Variants in LRRC37A2 observed in about 807,000 individuals in gnomAD.
LRRC37A2 encodes the protein leucine-rich repeat-containing protein 37A2.
LRRC37A2 carries 9 observed loss-of-function variants against 68.8 expected under a neutral mutation model. The ratio of observed to expected loss-of-function variants is 0.13; its 90% CI spans 0.08 to 0.23. The LOEUF (loss-of-function observed/expected upper bound fraction) is 0.23. LRRC37A2 is among the 10% of genes least tolerant of loss of function. The probability of loss-of-function intolerance (pLI) is 1.00; values close to 1 mark genes in which losing one functional copy is unlikely to be tolerated. For synonymous variants in LRRC37A2, 63 were observed against 367.6 expected (o/e 0.17, Z 9.48); for missense variants, 168 against 950.4 (o/e 0.18, Z 10.82).
chr17:47,022,050 G>A, the LRRC37A2 span: 2 of 783,124 alleles, frequency 2.6e-6, no homozygotes, highest in South Asian at 3.3e-5. Context: ...AACCACTGTT[G>A]ACTGCAATCG....
the LRRC37A2 span, among the ~76,000 whole-genome samples, chr17:46,766,355 C>A: frequency 6.6e-6 from 1 of 151,890 alleles, no homozygotes; most frequent in East Asian, 1.9e-4. Context: ...TTACAGTGAG[C>A]CGAGATTGCG....
At chr17:46,774,055 G>GAA in the LRRC37A2 span, 1 of 1,218,314 alleles carries the variant, frequency 8.2e-7, no homozygotes, top group Non-Finnish European at 1.1e-6. Flanking sequence ...CTTTGACCTC[G>GAA]GGAGCATGCC....
the LRRC37A2 span, among the ~76,000 whole-genome samples, chr17:46,851,951 C>T: frequency 1.3e-5 from 2 of 152,168 alleles, no homozygotes; most frequent in African/African-American, 4.8e-5. This position sits in a 1 kb window ranked among gnomAD's most constrained non-coding sequence, Gnocchi z 4.3. Flanking sequence ...TCTCTGGTCG[C>T]CCCCCAGCCG....
chr17:46,925,464 T>G, the LRRC37A2 span, among the ~76,000 whole-genome samples: 1 of 152,334 alleles, frequency 6.6e-6, no homozygotes, highest in South Asian at 2.1e-4. Context: ...CTATCTTTCC[T>G]CTCCAGTGCT....
the LRRC37A2 span, chr17:46,932,144 G>C: frequency 6.2e-7 from 1 of 1,614,166 alleles, no homozygotes; most frequent in Non-Finnish European, 8.5e-7. Flanking sequence ...CGCCATGCAA[G>C]GGAGCAGCAG....
chr17:46,935,693 C>T, the LRRC37A2 span: 4 of 987,870 alleles, frequency 4.0e-6, no homozygotes, highest in African/African-American at 3.5e-5. Context: ...TTCTAAAGCC[C>T]GTGCTGGTGA....
At chr17:46,936,293 A>C in the LRRC37A2 span, 1 of 985,280 alleles carries the variant, frequency 1.0e-6, no homozygotes, top group Non-Finnish European at 1.2e-6. Flanking sequence ...ACCAAACTCC[A>C]TGTCACACTG....
the LRRC37A2 span, chr17:46,851,656 G>T: frequency 3.9e-6 from 5 of 1,289,578 alleles, no homozygotes; most frequent in Non-Finnish European, 4.9e-6. This position sits in a 1 kb window ranked among gnomAD's most constrained non-coding sequence, Gnocchi z 4.3. Flanking sequence ...CCCCGCCCGC[G>T]CTGGCCCTGG....
chr17:46,862,173 A>G, the LRRC37A2 span, among the ~76,000 whole-genome samples: 17 of 151,962 alleles, frequency 1.1e-4, no homozygotes, highest in Non-Finnish European at 2.2e-4. Flanking sequence ...CAAAAAAAAA[A>G]AAAAAAGAAA....
chr17:46,727,196 T>G, the LRRC37A2 span, among the ~76,000 whole-genome samples: 1 of 152,230 alleles, frequency 6.6e-6, no homozygotes, highest in South Asian at 2.1e-4. Context: ...TTTTAAAATA[T>G]GTATTAAATA....
chr17:46,490,591 G>T, the LRRC37A2 span, among the ~76,000 whole-genome samples: 2 of 150,286 alleles, frequency 1.3e-5, no homozygotes, highest in Non-Finnish European at 2.9e-5. Flanking sequence ...GGGCGTGGTG[G>T]TAGGCGCCTG....
At chr17:46,931,086 C>CT in the LRRC37A2 span, 2 of 1,359,368 alleles carry the variant, frequency 1.5e-6, no homozygotes, top group Non-Finnish European at 1.1e-6. Context: ...ATTCTTTTTT[C>CT]TTTTTTGTAC....
the LRRC37A2 span, among the ~76,000 whole-genome samples, chr17:46,810,163 C>T: frequency 1.3e-5 from 2 of 151,958 alleles, no homozygotes; most frequent in African/African-American, 2.4e-5. Flanking sequence ...CCCACCACCA[C>T]GCCCAGCTAA....
At chr17:46,862,035 C>T in the LRRC37A2 span, among the ~76,000 whole-genome samples, 23 of 151,752 alleles carry the variant, frequency 1.5e-4, no homozygotes, top group Middle Eastern at 6.8e-3. Flanking sequence ...TGGTGACAGC[C>T]GCTTGTAATC....
At chr17:46,949,823 GAAGGGC>G in the LRRC37A2 span, among the ~76,000 whole-genome samples, 1 of 152,206 alleles carries the variant, frequency 6.6e-6, no homozygotes, top group African/African-American at 2.4e-5. Context: ...TGTGCTCTGG[GAAGGGC>G]AGGAGGATTC....
the LRRC37A2 span, among the ~76,000 whole-genome samples, chr17:46,890,279 G>A: frequency 6.6e-6 from 1 of 152,328 alleles, no homozygotes; most frequent in Admixed American, 6.5e-5. Context: ...TGCCTAAAGT[G>A]CTCCACGAGG....
chr17:46,862,596 T>G, the LRRC37A2 span, among the ~76,000 whole-genome samples: 1 of 152,160 alleles, frequency 6.6e-6, no homozygotes, highest in Non-Finnish European at 1.5e-5. Flanking sequence ...TTGTTTTGTT[T>G]TTTTGAGACG....
chr17:46,979,957 A>G, the LRRC37A2 span, among the ~76,000 whole-genome samples: 1 of 152,134 alleles, frequency 6.6e-6, no homozygotes, highest in African/African-American at 2.4e-5. Context: ...TTCTCTAGAT[A>G]ACAGATATGG....
At chr17:46,929,555 TG>T in the LRRC37A2 span, 1 of 1,569,152 alleles carries the variant, frequency 6.4e-7, no homozygotes, top group Non-Finnish European at 8.8e-7. Flanking sequence ...ATGGGACGCC[TG>T]GAGACGGCAG....
Sources: allele counts gnomAD v4.1 joint callset (sites outside exome capture counted in the v4.1 genomes callset), GRCh38; gene constraint gnomAD v4.1.1; non-coding constraint Gnocchi (gnomAD v3.1); transcripts MANE v1.5; gene names NCBI Gene and HGNC (gene_info 2026-07-23, HGNC 2026-07-21).